ZNF592: variants seen among roughly 807,000 people sequenced by gnomAD.
ZNF592 encodes spinocerebellar ataxia, autosomal recessive 5.
ZNF592 carries 11 observed loss-of-function variants against 80.3 expected under a neutral mutation model. That is an observed-to-expected ratio of 0.14 (90% confidence interval 0.09 to 0.23). The LOEUF (loss-of-function observed/expected upper bound fraction) is 0.23. Ranked by LOEUF, ZNF592 falls within the 10% of genes least tolerant of loss-of-function variation. ZNF592 has a pLI of 1.00. For synonymous variants in ZNF592, 646 were observed against 640.3 expected (o/e 1.01, Z -0.13); for missense variants, 1,420 against 1,633.9 (o/e 0.87, Z 2.26).
intron 5 of ZNF592, among the ~76,000 whole-genome samples, chr15:84,792,320 T>C (rs751167929): frequency 6.7e-6 from 1 of 149,450 alleles, no homozygotes; most frequent in South Asian, 2.1e-4. Flanking sequence ...CCAGCGGACA[T>C]TGAGGAGCTA....
At position 84,752,234 on chromosome 15, in the gene ZNF592, C is replaced by T. The variant is rs561711660; in HGVS notation, c.-259+3570C>T. On this transcript the variant is annotated intron_variant, in intron 1 of 10. Coordinates refer to ENST00000560079, the MANE Select transcript of ZNF592 (RefSeq NM_014630.3). Reference sequence around the variant, plus strand: ...GCCATGTTCCATGTGATCAGTCATTCAACATCAAGCTCCCATTTCAGGCTT... The same window carrying T: ...GCCATGTTCCATGTGATCAGTCATTTAACATCAAGCTCCCATTTCAGGCTT... Among the ~76,000 whole-genome samples the T allele has an allele frequency of 3.9e-5, 6 of 152,272 alleles. No homozygotes were observed. The South Asian group carries it at 1.2e-3, about 32-fold the overall frequency.
Position 84,801,897 on chromosome 15 carries a change from G to A in ZNF592, c.3308G>A (p.Gly1103Glu), listed in dbSNP as rs1963105241. The A allele has an allele frequency of 6.2e-7, 1 of 1,613,832 alleles. No individual in the cohort carries two copies. The highest frequency in any genetic ancestry group is 8.5e-7 in the Non-Finnish European group (1 of 1,179,800). ...NHLKRPVSGV[G>E]DAPGTSNGAT... is the part of the protein sequence containing the mutation. ...CTGAAAAGACCAGTCAGTGGAGTGG[G>A]GGACGCTCCAGGCACCAGCAATGGC... Residue 1103 changes from glycine (G) to glutamate (E), a missense_variant, in exon 11 of 11, where the codon GGG becomes GAG. Gly to Glu is a moderately conservative substitution (Grantham distance 98). Around this residue, in one of 7 missense-constraint regions of ZNF592, gnomAD observed 145 missense variants for 211.9 expected, o/e 0.68. Transcript: ENST00000560079.
intron 3 of ZNF592, 45 bp from the exon 4 acceptor site, chr15:84,782,612 T>C: frequency 6.3e-7 from 1 of 1,586,028 alleles, no homozygotes; most frequent in East Asian, 2.2e-5. Flanking sequence ...GATGGTCCAG[T>C]GGGACCCTGG....
chr15:84,768,449 G>A (rs1899601930), intron 2 of ZNF592, among the ~76,000 whole-genome samples: 1 of 151,832 alleles, frequency 6.6e-6, no homozygotes, highest in African/African-American at 2.4e-5. Context: ...TGTGGACCAG[G>A]CTGGTCTTGA....
intron 4 of ZNF592, among the ~76,000 whole-genome samples, chr15:84,785,732 G>A (rs1962569572): frequency 6.6e-6 from 1 of 152,196 alleles, no homozygotes; most frequent in South Asian, 2.1e-4. Flanking sequence ...AGGAAGGAGA[G>A]TGGACAGACA....
intron 2 of ZNF592, among the ~76,000 whole-genome samples, chr15:84,774,085 G>T (rs1438749850): frequency 6.6e-6 from 1 of 152,210 alleles, no homozygotes; most frequent in Non-Finnish European, 1.5e-5. Context: ...AGTATAATTG[G>T]TATTGCTTTT....
intron 1 of ZNF592, among the ~76,000 whole-genome samples, chr15:84,762,611 A>G (rs1899384142): frequency 6.6e-6 from 1 of 152,170 alleles, no homozygotes; most frequent in Admixed American, 6.5e-5. Context: ...TCTAAGAAGC[A>G]CTGGTCTGAG....
At chr15:84,763,207 A>G (rs1035997290) in intron 1 of ZNF592, among the ~76,000 whole-genome samples, 3 of 152,208 alleles carry the variant, frequency 2.0e-5, no homozygotes, top group Admixed American at 1.3e-4. Context: ...TTCCTTGTGC[A>G]GTGTGAAGAG....
chr15:84,762,897 C>G (rs1389911859), intron 1 of ZNF592, among the ~76,000 whole-genome samples: 4 of 152,182 alleles, frequency 2.6e-5, no homozygotes, highest in African/African-American at 9.7e-5. Flanking sequence ...AGTCCTGAAT[C>G]TTTCTAGTGT....
chr15:84,779,104 G>C (rs117521140), intron 3 of ZNF592, among the ~76,000 whole-genome samples: 1 of 152,218 alleles, frequency 6.6e-6, no homozygotes, highest in Admixed American at 6.5e-5. Flanking sequence ...CTCCAAAGCC[G>C]AAAGAGGAGG....
Position 84,784,714 on chromosome 15 carries a change from C to G in ZNF592, c.2039C>G (p.Ser680Cys). 1 of 1,614,140 alleles carries G rather than the reference C, an allele frequency of 6.2e-7. No individual in the cohort carries two copies. Among genetic ancestry groups the G allele is most frequent in the Non-Finnish European group, 8.5e-7 (1 of 1,180,042 alleles). Residue 680 changes from serine (S) to cysteine (C), a missense_variant, in exon 4 of 11, where the codon TCT (serine) becomes TGT (cysteine). By Grantham distance (112) the Ser-to-Cys change is moderately radical. Transcript: ENST00000560079. The surrounding 1 kb of genome is among the most constrained non-coding windows in gnomAD (Gnocchi z 5.8). ...TAPAAPAPSS[S>C]PKHGLTSGSA... Reference sequence around the variant, plus strand: ...CCAGCAGCCCCAGCCCCTTCATCCTCTCCCAAACATGGCCTCACTTCGGGC... The same window carrying G: ...CCAGCAGCCCCAGCCCCTTCATCCTGTCCCAAACATGGCCTCACTTCGGGC...
chr15:84,778,684 C>G (rs1962336264), intron 3 of ZNF592, among the ~76,000 whole-genome samples: 1 of 152,164 alleles, frequency 6.6e-6, no homozygotes, highest in Non-Finnish European at 1.5e-5. Context: ...CAACATTTCC[C>G]CCTGTGGAGA....
At chr15:84,791,873 T>A (rs1399837860) in intron 5 of ZNF592, among the ~76,000 whole-genome samples, 1 of 152,198 alleles carries the variant, frequency 6.6e-6, no homozygotes. Context: ...TAGAGGAATG[T>A]CAGGATGAAT....
intron 1 of ZNF592, among the ~76,000 whole-genome samples, chr15:84,763,271 G>A (rs1250248875): frequency 1.3e-5 from 2 of 152,188 alleles, no homozygotes; most frequent in African/African-American, 4.8e-5. Context: ...TGTGATTAGG[G>A]TGACCTGGGA....
At chr15:84,791,488 G>C (rs527342083) in intron 5 of ZNF592, among the ~76,000 whole-genome samples, 6 of 152,152 alleles carry the variant, frequency 3.9e-5, no homozygotes, top group Non-Finnish European at 7.4e-5. Context: ...ATCAAAGTGA[G>C]GGAAAAAACT....
In ZNF592 at chr15:84,798,028, G is replaced by A. The variant is rs181448204; in HGVS notation, c.2559G>A (p.Gln853=). 8.1e-6 allele frequency: 13 copies of A among 1,613,928 alleles called. No individual in the cohort carries two copies. The East Asian group carries it at 2.0e-4, about 25-fold the overall frequency. The change falls in exon 6 of 11, where the codon CAG becomes CAA. Residue 853 remains glutamine, a synonymous_variant. Coordinates refer to ENST00000560079, the MANE Select transcript of ZNF592 (RefSeq NM_014630.3). This position sits in a 1 kb window ranked among gnomAD's most constrained non-coding sequence, Gnocchi z 4.5. ...ACAGTGCCACCCAGCACCCCACCCA[G>A]CCCCACAGACCCTCCCAGTGAGTGC... ...ADHSATQHPT[Q]PHRPSQLIYK... is the part of the protein sequence containing the mutation.
Position 84,783,369 on chromosome 15 carries a change from C to A in ZNF592, c.694C>A (p.Pro232Thr), listed in dbSNP as rs746196024. ...GAACACAGTGGAACCTCACAAGGAT[C>A]CGGATGCCACTCGATTCTTCGGGGA... Reference protein sequence around the residue: ...GQNTVEPHKDPDATRFFGEAL... With the variant: ...GQNTVEPHKDTDATRFFGEAL... Residue 232 changes from proline (P) to threonine (T), a missense_variant, in exon 4 of 11, where the codon CCG (proline) becomes ACG (threonine). Pro to Thr is a conservative substitution (Grantham distance 38). This residue lies in a region of ZNF592 where 373 missense variants were observed against 355.5 expected (regional missense o/e 1.05). Transcript: ENST00000560079. The surrounding 1 kb of genome is among the most constrained non-coding windows in gnomAD (Gnocchi z 5.0). 2 of 1,614,104 alleles carry A rather than the reference C, an allele frequency of 1.2e-6. No homozygotes were observed. Among genetic ancestry groups the A allele is most frequent in the African/African-American group, 2.7e-5 (2 of 74,934 alleles).
chr15:84,802,526 C>A lies in ZNF592; in HGVS notation c.*133C>A. 9.0e-7 allele frequency: 1 copy of A among 1,111,468 alleles called. No individual in the cohort carries two copies. The allele number at this position is 1,111,468 out of a possible 1,614,324, so 68.9% of individuals were successfully genotyped here. A position where few individuals can be genotyped will look rare whatever the true frequency, so the allele number is the denominator to read the frequency against. ...GTTGTACCCTGGAGTAGTGTCTGCC[C>A]TGAGCTGCCAGTGCTGGGTATCCCC... On this transcript the variant is annotated 3_prime_UTR_variant, in exon 11 of 11. Transcript: ENST00000560079.
intron 3 of ZNF592, among the ~76,000 whole-genome samples, chr15:84,778,530 C>T (rs565058558): frequency 5.0e-4 from 76 of 152,140 alleles, no homozygotes; most frequent in African/African-American, 1.7e-3. Context: ...GCAAGAAGGC[C>T]GTGGGAATCT....
Sources: gnomAD v4.1 joint callset for allele counts (sites outside exome capture counted in the v4.1 genomes callset) on GRCh38, gnomAD v4.1.1 for gene constraint, gnomAD v4.1.1 regional missense constraint, Gnocchi (gnomAD v3.1) non-coding constraint, MANE v1.5 for transcripts, NCBI Gene and HGNC (gene_info 2026-07-23, HGNC 2026-07-21) for gene names.